ZC3H12B: variants seen among roughly 807,000 people sequenced by gnomAD.
ZC3H12B encodes probable ribonuclease ZC3H12B.
A neutral mutation model predicts 43.9 loss-of-function variants in ZC3H12B; 7 were observed. The ratio of observed to expected loss-of-function variants is 0.16; its 90% CI spans 0.09 to 0.30. ZC3H12B has a LOEUF of 0.30. Among genes scored for constraint, ZC3H12B ranks in the 10% least tolerant of loss-of-function variants. The pLI is 1.00. For synonymous variants in ZC3H12B, 222 were observed against 241.7 expected (o/e 0.92, Z 0.76); for missense variants, 475 against 670.2 (o/e 0.71, Z 3.22).
chrX:65,148,592 C>G, the ZC3H12B span, among the ~76,000 whole-genome samples: 12 of 111,066 alleles, frequency 1.1e-4, no homozygotes, highest in African/African-American at 3.9e-4. Context: ...AGGACAGACC[C>G]AGTTCTGGGG....
At chrX:65,188,522 G>A in the ZC3H12B span, among the ~76,000 whole-genome samples, 1 of 110,562 alleles carries the variant, frequency 9.0e-6, no homozygotes, top group Non-Finnish European at 1.9e-5. Flanking sequence ...ACTGGGGTGA[G>A]ATTATGTCTT....
the ZC3H12B span, among the ~76,000 whole-genome samples, chrX:65,247,291 A>C: frequency 1.2e-4 from 13 of 112,288 alleles, no homozygotes; most frequent in Non-Finnish European, 2.3e-4. Flanking sequence ...TGTTGGCGGG[A>C]GTGTAAATTA....
exon 5 of ZC3H12B, chrX:65,503,617 TCTTTA>T (rs1191685470): frequency 1.9e-5 from 2 of 107,867 alleles, no homozygotes; most frequent in African/African-American, 8.6e-5. Flanking sequence ...TTTCTTTCTT[TCTTTA>T]TTTTTTTTTT....
chrX:65,422,483 A>G (rs937231431), intron 3 of ZC3H12B, among the ~76,000 whole-genome samples: 5 of 112,109 alleles, frequency 4.5e-5, no homozygotes, highest in Non-Finnish European at 7.5e-5. Flanking sequence ...TTTTGAATCA[A>G]CTTGACTGGG....
At chrX:65,223,966 A>G in the ZC3H12B span, among the ~76,000 whole-genome samples, 1 of 112,469 alleles carries the variant, frequency 8.9e-6, no homozygotes, top group Non-Finnish European at 1.9e-5. Flanking sequence ...GACCGAGAGG[A>G]AAAGAAGTCA....
chrX:65,408,333 G>A, intron 3 of ZC3H12B: 2 of 1,201,189 alleles, frequency 1.7e-6, no homozygotes, highest in Non-Finnish European at 1.1e-6. Flanking sequence ...ATCGCCAAGA[G>A]ATTGAATACG....
At chrX:65,090,184 CAT>C in the ZC3H12B span, among the ~76,000 whole-genome samples, 11 of 112,188 alleles carry the variant, frequency 9.8e-5, no homozygotes, top group African/African-American at 3.2e-4. Flanking sequence ...TCACCACAAA[CAT>C]GTGAGTAATG....
At chrX:65,416,657 G>A (rs1334088067) in intron 3 of ZC3H12B, among the ~76,000 whole-genome samples, 2 of 109,089 alleles carry the variant, frequency 1.8e-5, no homozygotes, top group African/African-American at 6.7e-5. Flanking sequence ...AAGTGTGGTG[G>A]TGGGCGCCTG....
the ZC3H12B span, among the ~76,000 whole-genome samples, chrX:65,160,671 C>T: frequency 3.0e-4 from 33 of 111,221 alleles, no homozygotes; most frequent in East Asian, 9.3e-3. Flanking sequence ...ATTAGTCTTG[C>T]TAATGGTGTA....
chrX:65,276,750 G>T, the ZC3H12B span, among the ~76,000 whole-genome samples: 2 of 111,034 alleles, frequency 1.8e-5, no homozygotes, highest in Non-Finnish European at 3.8e-5. Flanking sequence ...TGAACACAAA[G>T]GATAAAGGAA....
At chrX:65,463,386 G>GC (rs2067777291) in intron 3 of ZC3H12B, among the ~76,000 whole-genome samples, 1 of 112,107 alleles carries the variant, frequency 8.9e-6, no homozygotes. Flanking sequence ...AGCATGGGAT[G>GC]TTTTTCCATT....
the ZC3H12B span, among the ~76,000 whole-genome samples, chrX:65,053,137 T>G: frequency 9.0e-6 from 1 of 111,050 alleles, no homozygotes; most frequent in African/African-American, 3.3e-5. Context: ...CTTTAAGTTT[T>G]AGGGTACATG....
At chrX:65,129,836 C>A in the ZC3H12B span, among the ~76,000 whole-genome samples, 3 of 110,629 alleles carry the variant, frequency 2.7e-5, no homozygotes, top group Admixed American at 2.9e-4. Context: ...GCATGGGAAC[C>A]TAGAGTGGGA....
the ZC3H12B span, among the ~76,000 whole-genome samples, chrX:65,253,261 A>C: frequency 8.9e-6 from 1 of 112,254 alleles, no homozygotes; most frequent in Non-Finnish European, 1.9e-5. Flanking sequence ...AACCCTGCAT[A>C]AGTCTCTCAT....
the ZC3H12B span, among the ~76,000 whole-genome samples, chrX:65,099,673 A>G: frequency 9.0e-6 from 1 of 111,248 alleles, no homozygotes; most frequent in Admixed American, 9.6e-5. Flanking sequence ...ACAGAAAACA[A>G]TTTCAACATC....
At chrX:65,059,495 G>T in the ZC3H12B span, among the ~76,000 whole-genome samples, 1 of 111,015 alleles carries the variant, frequency 9.0e-6, no homozygotes, top group Admixed American at 9.6e-5. Context: ...CCCAGTGTAG[G>T]TTCTTAGCAC....
At chrX:65,338,113 A>G in the ZC3H12B span, among the ~76,000 whole-genome samples, 6 of 111,811 alleles carry the variant, frequency 5.4e-5, no homozygotes, top group African/African-American at 2.0e-4. Context: ...TTGTTGCTCT[A>G]ATAGAGTCTT....
the ZC3H12B span, among the ~76,000 whole-genome samples, chrX:65,225,105 G>A: frequency 2.0e-4 from 22 of 112,044 alleles, no homozygotes; most frequent in African/African-American, 6.8e-4. Context: ...CCCCCGAGCA[G>A]CCTAACTGGG....
At chrX:65,357,431 C>T in the ZC3H12B span, 1 of 175,644 alleles carries the variant, frequency 5.7e-6, no homozygotes, top group Non-Finnish European at 1.1e-5. Flanking sequence ...ATGGCACCCA[C>T]TGCCCATGAG....
Sources: gnomAD v4.1 joint callset for allele counts (sites outside exome capture counted in the v4.1 genomes callset) on GRCh38, gnomAD v4.1.1 for gene constraint, MANE v1.5 for transcripts, NCBI Gene and HGNC (gene_info 2026-07-23, HGNC 2026-07-21) for gene names.